The following CAMSAP1 variants were observed in gnomAD, a reference collection of about 807,000 sequenced individuals.
CAMSAP1 encodes calmodulin-regulated spectrin-associated protein 1.
In CAMSAP1, 58 loss-of-function variants were observed where a neutral mutation model predicts 143.5. That is an observed-to-expected ratio of 0.40 (90% CI 0.33 to 0.50). The LOEUF is 0.50. Ranked by LOEUF, CAMSAP1 falls within the 20% of genes least tolerant of loss-of-function variation. The pLI, the probability that CAMSAP1 is intolerant of heterozygous loss-of-function variation, is 0.45. For missense variants in CAMSAP1, 1,969 were observed against 2,115.7 expected (o/e 0.93, Z 1.36); for synonymous variants, 945 against 859.3 (o/e 1.10, Z -1.74).
chr9:135,814,572 C>T (rs149939955), intron 16 of CAMSAP1, among the ~76,000 whole-genome samples: 70 of 152,326 alleles, frequency 4.6e-4, no homozygotes, highest in African/African-American at 1.7e-3. Context: ...CTGGGTGCTC[C>T]GGAGTCCACA....
intron 5 of CAMSAP1, among the ~76,000 whole-genome samples, chr9:135,855,321 CAGT>C (rs1315499941): frequency 6.6e-6 from 1 of 152,156 alleles, no homozygotes; most frequent in African/African-American, 2.4e-5. Context: ...TGAGAACACG[CAGT>C]ATTTGGTTTT....
At chr9:135,877,506 A>G (rs557685309) in intron 3 of CAMSAP1, among the ~76,000 whole-genome samples, 14 of 151,910 alleles carry the variant, frequency 9.2e-5, no homozygotes, top group Non-Finnish European at 1.9e-4. Flanking sequence ...TAAAAAAAAA[A>G]AAAAAAAGAA....
At chr9:135,829,871 AT>A (rs1835797001) in intron 7 of CAMSAP1, among the ~76,000 whole-genome samples, 2 of 151,468 alleles carry the variant, frequency 1.3e-5, no homozygotes, top group South Asian at 4.2e-4. Context: ...AAATAAATAA[AT>A]AAATAAATAA....
Position 135,818,906 on chromosome 9 carries a change from ACTCATTGCCATGGTCCATG to A in CAMSAP1, c.3959+85_3959+103del, listed in dbSNP as rs1267167460. 1 of 1,494,324 alleles carries A rather than the reference ACTCATTGCCATGGTCCATG, an allele frequency of 6.7e-7. No homozygotes were observed. Among genetic ancestry groups the A allele is most frequent in the Non-Finnish European group, 9.0e-7 (1 of 1,112,630 alleles). 92.6% of individuals were successfully genotyped at this position (1,494,324 alleles called of 1,614,324 possible). A position where few individuals can be genotyped will look rare whatever the true frequency, so the allele number is the denominator to read the frequency against. ...TGGGAGGAGTAAGACCGTCACAGGC[ACTCATTGCCATGGTCCATG>A]CTCAGTGCCAGCAACGGGACCGGGG... On this transcript the variant is annotated intron_variant, in intron 12 of 16. Coordinates refer to ENST00000389532, the MANE Select transcript of CAMSAP1 (RefSeq NM_015447.4). This position sits in a 1 kb window ranked among gnomAD's most constrained non-coding sequence, Gnocchi z 7.7.
chr9:135,872,489 C>A (rs1837599802), intron 3 of CAMSAP1, among the ~76,000 whole-genome samples: 1 of 151,926 alleles, frequency 6.6e-6, no homozygotes, highest in African/African-American at 2.4e-5. Context: ...AAGAGATAAA[C>A]AGAAACAGAC....
At chr9:135,828,430 A>C (rs973134509) in intron 7 of CAMSAP1, among the ~76,000 whole-genome samples, 1 of 152,234 alleles carries the variant, frequency 6.6e-6, no homozygotes, top group Non-Finnish European at 1.5e-5. Flanking sequence ...AAGAGGCAGC[A>C]ACATGTGACC....
intron 7 of CAMSAP1, among the ~76,000 whole-genome samples, chr9:135,844,791 C>T (rs1564435706): frequency 6.6e-6 from 1 of 152,116 alleles, no homozygotes; most frequent in Non-Finnish European, 1.5e-5. Flanking sequence ...AATTCCTGGA[C>T]ACATATACCC....
intron 7 of CAMSAP1, among the ~76,000 whole-genome samples, chr9:135,846,508 A>G (rs748383643): frequency 1.3e-5 from 2 of 152,196 alleles, no homozygotes; most frequent in Non-Finnish European, 2.9e-5. Context: ...AGCAATGGCA[A>G]CAAAAGCCAA....
chr9:135,855,500 A>G (rs957482308), intron 5 of CAMSAP1, among the ~76,000 whole-genome samples: 12 of 152,118 alleles, frequency 7.9e-5, no homozygotes, highest in African/African-American at 2.9e-4. Context: ...GCACTTTCAG[A>G]GGCCAAGGCG....
At chr9:135,866,628 G>T in intron 3 of CAMSAP1, 92 bp from the exon 4 acceptor site, 1 of 685,708 alleles carries the variant, frequency 1.5e-6, no homozygotes, top group Non-Finnish European at 2.7e-6. Context: ...CACTTCACCT[G>T]ATTCACCTCT....
chr9:135,867,475 C>CCGCCT (rs1491489651), intron 3 of CAMSAP1, among the ~76,000 whole-genome samples: 1 of 145,262 alleles, frequency 6.9e-6, no homozygotes, highest in South Asian at 2.2e-4. Flanking sequence ...CAAGACCCCC[C>CCGCCT]TCTTTTTTTT....
chr9:135,865,175 C>A, intron 4 of CAMSAP1: 1 of 686,548 alleles, frequency 1.5e-6, no homozygotes, highest in South Asian at 1.9e-5. Context: ...GGCTCAGAAT[C>A]AGGCCAATTC....
chr9:135,907,396 G>T lies in CAMSAP1; in HGVS notation c.-237C>A, dbSNP rs965095512. ...GGAGGTGCCGAGCCCGCGGCCCAAAGAGGCGGCGGCAGGAGGGCGCGGGCC... is the reference window on the plus strand; with the variant it reads ...GGAGGTGCCGAGCCCGCGGCCCAAATAGGCGGCGGCAGGAGGGCGCGGGCC... On this transcript the variant is annotated 5_prime_UTR_variant, in exon 1 of 17. Coordinates refer to ENST00000389532, the MANE Select transcript of CAMSAP1 (RefSeq NM_015447.4). Among the ~76,000 whole-genome samples, 1 of 146,078 alleles carries T rather than the reference G, an allele frequency of 6.8e-6. No homozygotes were observed. Among genetic ancestry groups the T allele is most frequent in the Non-Finnish European group, 1.5e-5 (1 of 65,760 alleles).
At chr9:135,812,016 C>T (rs1835070234) in intron 16 of CAMSAP1, among the ~76,000 whole-genome samples, 1 of 152,198 alleles carries the variant, frequency 6.6e-6, no homozygotes. Flanking sequence ...ATACAGAGCA[C>T]AGCAGCTGCT....
At chr9:135,842,060 G>C (rs1368377014) in intron 7 of CAMSAP1, among the ~76,000 whole-genome samples, 1 of 152,138 alleles carries the variant, frequency 6.6e-6, no homozygotes, top group East Asian at 1.9e-4. Context: ...CTGAGCTAAA[G>C]GAGCATGTTC....
chr9:135,818,699 G>C lies in CAMSAP1; in HGVS notation c.3960-83C>G. 1 of 1,451,250 alleles carries C rather than the reference G, an allele frequency of 6.9e-7. No individual in the cohort carries two copies. Among genetic ancestry groups the C allele is most frequent in the Non-Finnish European group, 9.3e-7 (1 of 1,080,864 alleles). 89.9% of individuals were successfully genotyped at this position (1,451,250 alleles called of 1,614,324 possible). ...GCGCCGCGGCGCTCTGTCCAGGCGCGTTTCTCGGGTTCTCCCCGGCCGCTG... is the reference window on the plus strand; with the variant it reads ...GCGCCGCGGCGCTCTGTCCAGGCGCCTTTCTCGGGTTCTCCCCGGCCGCTG... On this transcript the variant is annotated intron_variant, in intron 12 of 16. Transcript: ENST00000389532. This position sits in a 1 kb window ranked among gnomAD's most constrained non-coding sequence, Gnocchi z 7.7.
rs1188572835 is a variant in CAMSAP1 at position 135,819,845 on chromosome 9, C to CA, written c.3823-700dup. ...CTGGGCGACAGAGCCAGACTCTGTC[C>CA]AAAAAAAAAAAAGCGAAAAAGTGAA... is the stretch of plus-strand genomic sequence containing the variant. On this transcript the variant is annotated intron_variant, in intron 11 of 16. Transcript: ENST00000389532. 2.0e-3 allele frequency among the ~76,000 whole-genome samples: 227 copies of CA among 114,570 alleles called. 2 individuals are homozygous for CA. In the East Asian group the frequency reaches 0.024, roughly 12 times the overall value. The allele number at this position is 114,570 out of a possible 152,430, so 75.2% of individuals were successfully genotyped here. A position where few individuals can be genotyped will look rare whatever the true frequency, so the allele number is the denominator to read the frequency against.
chr9:135,906,621 G>A (rs141855186), intron 1 of CAMSAP1, among the ~76,000 whole-genome samples: 2 of 152,374 alleles, frequency 1.3e-5, no homozygotes, highest in Non-Finnish European at 2.9e-5. Context: ...ACTGGACGAT[G>A]CCCGGCGCGC....
chr9:135,853,548 G>A (rs1469713013), intron 5 of CAMSAP1, among the ~76,000 whole-genome samples: 3 of 152,244 alleles, frequency 2.0e-5, no homozygotes, highest in African/African-American at 4.8e-5. Flanking sequence ...TTTTAATACT[G>A]ACTGGGGATC....
Sources: allele counts gnomAD v4.1 joint callset (sites outside exome capture counted in the v4.1 genomes callset), GRCh38; gene constraint gnomAD v4.1.1; non-coding constraint Gnocchi (gnomAD v3.1); transcripts MANE v1.5; gene names NCBI Gene and HGNC (gene_info 2026-07-23, HGNC 2026-07-21).